Variants in TTC39A observed in about 807,000 individuals in gnomAD.
The protein encoded by TTC39A is tetratricopeptide repeat domain 39A.
Under a neutral mutation model 82.3 loss-of-function variants are expected in TTC39A, and 46 were observed. That is an observed-to-expected ratio of 0.56 (90% confidence interval 0.44 to 0.71). TTC39A has a LOEUF of 0.71. TTC39A is among the 30% of genes least tolerant of loss of function. TTC39A has a pLI of 0.00. For missense variants in TTC39A, 543 were observed against 712.9 expected (o/e 0.76, Z 2.71); for synonymous variants, 254 against 275.2 (o/e 0.92, Z 0.76).
chr1:51,313,839 GTAA>G (rs1464996456), intron 2 of TTC39A, among the ~76,000 whole-genome samples: 7 of 152,174 alleles, frequency 4.6e-5, no homozygotes, highest in African/African-American at 7.2e-5. Context: ...TCTCTAAAAA[GTAA>G]TAATAATTTT....
chr1:51,315,014 C>A (rs1645231677), intron 2 of TTC39A, among the ~76,000 whole-genome samples: 1 of 152,120 alleles, frequency 6.6e-6, no homozygotes, highest in Non-Finnish European at 1.5e-5. Context: ...GACCCATCCC[C>A]CAGATAACAC....
chr1:51,312,250 C>T (rs370305822), intron 3 of TTC39A, 55 bp from the exon 4 acceptor site: 1 of 1,462,492 alleles, frequency 6.8e-7, no homozygotes, highest in Non-Finnish European at 9.4e-7. Context: ...CCACACTTGT[C>T]TCTGCCCCTC....
chr1:51,300,758 A>G (rs1232752617), intron 12 of TTC39A: 1 of 152,010 alleles, frequency 6.6e-6, no homozygotes, highest in African/African-American at 2.4e-5. Context: ...TAATCCCTCC[A>G]CTATTTCTGG....
chr1:51,303,237 G>A (rs1470881802), intron 8 of TTC39A, 45 bp from the exon 9 acceptor site: 4 of 1,501,944 alleles, frequency 2.7e-6, no homozygotes, highest in African/African-American at 1.4e-5. Flanking sequence ...GAGGGCAGGG[G>A]CCTGGGAGGC....
intron 6 of TTC39A, among the ~76,000 whole-genome samples, chr1:51,307,713 C>T (rs1217620477): frequency 7.6e-6 from 1 of 132,236 alleles, no homozygotes; most frequent in Non-Finnish European, 1.5e-5. Context: ...CCAGCCTGGG[C>T]GACAGAGCAA....
chr1:51,331,606 C>T (rs982274772), upstream of TTC39A: 2 of 985,376 alleles, frequency 2.0e-6, no homozygotes, highest in Non-Finnish European at 2.4e-6. Flanking sequence ...GGGAGCCAGG[C>T]AGTTTGGGCT....
rs754091243 is a variant in TTC39A at position 51,321,781 on chromosome 1, G to A, written c.86C>T (p.Thr29Ile). Reference protein sequence around the residue: ...SLHEALDQCMTALDLFLTNQF... With the variant: ...SLHEALDQCMIALDLFLTNQF... ...GTTGGTGAGGAAGAGGTCCAGGGCG[G>A]TCATGCACTGGTCCAGGGCCTCATG... Residue 29 changes from threonine to isoleucine, a missense_variant, in exon 2 of 18, where the codon ACC becomes ATC. By Grantham distance (89) the Thr-to-Ile change is moderately conservative. Transcript: ENST00000680483. The surrounding 1 kb of genome is among the most constrained non-coding windows in gnomAD (Gnocchi z 4.6). 15 of 1,613,728 alleles carry A rather than the reference G, an allele frequency of 9.3e-6. No individual in the cohort carries two copies. The South Asian group carries it at 1.6e-4, about 18-fold the overall frequency.
chr1:51,305,027 C>T, intron 8 of TTC39A, 54 bp downstream of exon 8: 1 of 1,597,706 alleles, frequency 6.3e-7, no homozygotes, highest in Non-Finnish European at 8.6e-7. Flanking sequence ...CTGTGCAGCC[C>T]AGCCCCAGTT....
At chr1:51,315,543 C>T (rs1019051381) in intron 2 of TTC39A, among the ~76,000 whole-genome samples, 2 of 152,168 alleles carry the variant, frequency 1.3e-5, no homozygotes, top group Non-Finnish European at 2.9e-5. Flanking sequence ...TCTTCCTCTT[C>T]GTGCTCACTG....
intron 16 of TTC39A, among the ~76,000 whole-genome samples, chr1:51,289,545 G>A (rs1337170372): frequency 6.6e-6 from 1 of 152,172 alleles, no homozygotes. Flanking sequence ...TCTGCCTGAT[G>A]AACTTCCCAC....
chr1:51,331,927 G>T, upstream of TTC39A: 1 of 577,078 alleles, frequency 1.7e-6, no homozygotes, highest in Non-Finnish European at 2.2e-6. Context: ...AGATCGGGGA[G>T]CAGCATGGAT....
upstream of TTC39A, among the ~76,000 whole-genome samples, chr1:51,333,327 C>A (rs968920435): frequency 6.6e-6 from 1 of 151,506 alleles, no homozygotes. Flanking sequence ...CAAGATAATT[C>A]ATTATGCATA....
At position 51,290,010 on chromosome 1, in the gene TTC39A, A is replaced by G; in HGVS notation, c.1488T>C (p.Ser496=). Residue 496 remains serine (S), a synonymous_variant, in exon 16 of 18, where the codon TCT becomes TCC. Coordinates refer to ENST00000680483, the MANE Select transcript of TTC39A (RefSeq NM_001297663.2). ...GCAGCTGCAGAGGCACTTACTTGGC[A>G]GAGATGCTCCTAAAATTCTCCTCGG... ...QEAEENFRSI[S]ANEKKIKYDH... is the part of the protein sequence containing the mutation. The G allele has an allele frequency of 1.2e-6, 2 of 1,613,068 alleles. No individual in the cohort carries two copies. The highest frequency in any genetic ancestry group is 1.7e-6 in the Non-Finnish European group (2 of 1,179,416).
rs1490903245 is a variant in TTC39A, at chr1:51,288,369, CAAGG to C, written c.1611-93_1611-90del. ...TTTGAGCTGTATGAGCCCCGCGAGC[CAAGG>C]AAGGATTGTAGAGAAATTAATGTGT... On this transcript the variant is annotated intron_variant, in intron 17 of 17. Transcript: ENST00000680483. The surrounding 1 kb of genome is among the most constrained non-coding windows in gnomAD (Gnocchi z 4.8). The C allele has an allele frequency of 6.3e-7, 1 of 1,584,476 alleles. No homozygotes were observed. Among genetic ancestry groups the C allele is most frequent in the African/African-American group, 1.3e-5 (1 of 74,444 alleles).
chr1:51,314,223 G>A (rs1412321917), intron 2 of TTC39A, among the ~76,000 whole-genome samples: 4 of 152,198 alleles, frequency 2.6e-5, no homozygotes, highest in South Asian at 2.1e-4. Context: ...AGGGAGGGAC[G>A]GGAACAATGC....
chr1:51,326,983 G>C (rs1226022105), intron 1 of TTC39A, among the ~76,000 whole-genome samples: 2 of 152,250 alleles, frequency 1.3e-5, no homozygotes, highest in Non-Finnish European at 2.9e-5. Flanking sequence ...CTCTCATTCA[G>C]ATCCCACCCA....
intron 1 of TTC39A, among the ~76,000 whole-genome samples, chr1:51,326,445 G>A (rs1645715065): frequency 6.6e-6 from 1 of 152,208 alleles, no homozygotes; most frequent in African/African-American, 2.4e-5. Flanking sequence ...GCTAAATGGA[G>A]GGGTGAGGCT....
upstream of TTC39A, chr1:51,331,508 A>C (rs183393277): frequency 2.0e-6 from 2 of 985,332 alleles, no homozygotes; most frequent in Non-Finnish European, 2.4e-6. Flanking sequence ...TGGAGCAACT[A>C]TGACCTCCAG....
Position 51,303,150 on chromosome 1 carries a change from T to C in TTC39A, c.697A>G (p.Ser233Gly). The change falls in exon 9 of 18, where the codon AGC becomes GGC. Residue 233 changes from serine to glycine, a missense_variant. Physicochemically the swap from Ser to Gly is moderately conservative, Grantham distance 56. Coordinates refer to ENST00000680483, the MANE Select transcript of TTC39A (RefSeq NM_001297663.2). ...ATGACACAGAGCACAGAGCGGAAGC[T>C]GTGCCCTGACGCTCCCTCCTCCAGC... Reference protein sequence around the residue: ...LQLEEGASGHSFRSVLCVMLL... With the variant: ...LQLEEGASGHGFRSVLCVMLL... The C allele has an allele frequency of 6.6e-7, 1 of 1,517,650 alleles. No homozygotes were observed. Among genetic ancestry groups the C allele is most frequent in the Non-Finnish European group, 8.9e-7 (1 of 1,127,274 alleles). 94.0% of individuals were successfully genotyped at this position (1,517,650 alleles called of 1,614,324 possible). A position where few individuals can be genotyped will look rare whatever the true frequency, so the allele number is the denominator to read the frequency against.
Sources: allele counts gnomAD v4.1 joint callset (sites outside exome capture counted in the v4.1 genomes callset), GRCh38; gene constraint gnomAD v4.1.1; non-coding constraint Gnocchi (gnomAD v3.1); transcripts MANE v1.5; gene names NCBI Gene and HGNC (gene_info 2026-07-23, HGNC 2026-07-21).